Variants in MME observed in about 807,000 individuals in gnomAD.
The protein encoded by MME is membrane metalloendopeptidase.
Under a neutral mutation model 113.2 loss-of-function variants are expected in MME, and 98 were observed. The ratio of observed to expected loss-of-function variants is 0.87; its 90% CI spans 0.74 to 1.02. The LOEUF (loss-of-function observed/expected upper bound fraction) is 1.02, where lower values mean the gene tolerates loss of function less well. Among genes scored for constraint, MME ranks in the 50% least tolerant of loss-of-function variants. MME has a pLI of 0.00. For missense variants in MME, 836 were observed against 896.0 expected, an observed-to-expected ratio of 0.93 and a Z score of 0.86; for synonymous variants, 292 against 300.6, an observed-to-expected ratio of 0.97 and a Z score of 0.30.
At chr3:155,058,892 G>A (rs1714035826) in intron 1 of MME, among the ~76,000 whole-genome samples, 1 of 152,124 alleles carries the variant, frequency 6.6e-6, no homozygotes, top group Admixed American at 6.5e-5. Flanking sequence ...GGTTCCAAAT[G>A]ATTTCATAAC....
intron 20 of MME, among the ~76,000 whole-genome samples, chr3:155,169,087 AT>A (rs1711627769): frequency 6.6e-6 from 1 of 152,122 alleles, no homozygotes; most frequent in Non-Finnish European, 1.5e-5. Context: ...AGGAGGCAAC[AT>A]TTTTCTAAGA....
intron 1 of MME, among the ~76,000 whole-genome samples, chr3:155,041,275 A>T (rs778067557): frequency 2.6e-5 from 4 of 152,196 alleles, no homozygotes; most frequent in Admixed American, 6.6e-5. Context: ...CTACACAGCA[A>T]CTAAAGTCAT....
At chr3:155,030,545 CCTAT>C (rs762969352) in intron 1 of MME, among the ~76,000 whole-genome samples, 29 of 152,180 alleles carry the variant, frequency 1.9e-4, no homozygotes, top group African/African-American at 6.7e-4. Context: ...TGCCTGAAGT[CCTAT>C]CTTTTATAAA....
At chr3:155,042,919 T>C (rs555467842) in intron 1 of MME, among the ~76,000 whole-genome samples, 1,312 of 57,202 alleles carry the variant, frequency 0.023, 28 homozygotes, top group South Asian at 0.052. Context: ...TATATATATA[T>C]ATATATATAT....
At chr3:155,137,483 G>T (rs920528033) in intron 8 of MME, among the ~76,000 whole-genome samples, 6 of 152,122 alleles carry the variant, frequency 3.9e-5, no homozygotes, top group African/African-American at 1.2e-4. Context: ...AAGGCAGGCG[G>T]ATCACAATGT....
At chr3:155,049,315 A>C (rs1366708787) in intron 1 of MME, among the ~76,000 whole-genome samples, 2 of 152,140 alleles carry the variant, frequency 1.3e-5, no homozygotes, top group African/African-American at 2.4e-5. Context: ...GGAAAAGGTC[A>C]AACAGAAATA....
chr3:155,095,900 G>A (rs963631301), intron 3 of MME, among the ~76,000 whole-genome samples: 2 of 152,320 alleles, frequency 1.3e-5, no homozygotes, highest in African/African-American at 2.4e-5. Flanking sequence ...AAACCAGAGC[G>A]GGTCTGGGAG....
At chr3:155,119,685 G>C in intron 8 of MME, among the ~76,000 whole-genome samples, 1 of 150,918 alleles carries the variant, frequency 6.6e-6, no homozygotes, top group African/African-American at 2.4e-5. Context: ...TTTTGTTCTT[G>C]CGATAGTTTA....
At chr3:155,177,111 C>T (rs1428395372) in intron 22 of MME, among the ~76,000 whole-genome samples, 1 of 151,882 alleles carries the variant, frequency 6.6e-6, no homozygotes, top group Non-Finnish European at 1.5e-5. Flanking sequence ...AATATAAATC[C>T]TAAAAATACT....
chr3:155,156,039 A>G (rs1372454275), intron 16 of MME, among the ~76,000 whole-genome samples: 1 of 152,194 alleles, frequency 6.6e-6, no homozygotes, highest in Admixed American at 6.5e-5. Flanking sequence ...AGATTCAGGT[A>G]AGTCACCCAG....
chr3:155,160,182 T>C (rs544987244), intron 16 of MME, among the ~76,000 whole-genome samples: 1 of 152,180 alleles, frequency 6.6e-6, no homozygotes, highest in Non-Finnish European at 1.5e-5. Flanking sequence ...AATAAAAGAT[T>C]ACAGACTTGA....
At chr3:155,103,247 G>T (rs570736919) in intron 3 of MME, among the ~76,000 whole-genome samples, 1 of 152,288 alleles carries the variant, frequency 6.6e-6, no homozygotes, top group East Asian at 1.9e-4. Flanking sequence ...AATATTGATT[G>T]AATAAATATA....
intron 1 of MME, among the ~76,000 whole-genome samples, chr3:155,058,973 G>A (rs560169185): frequency 1.0e-3 from 157 of 152,188 alleles, no homozygotes; most frequent in Non-Finnish European, 1.7e-3. Context: ...TATGGAAAAA[G>A]AAGGATTGGC....
intron 1 of MME, chr3:155,024,359 C>T (rs1712702654): frequency 6.6e-6 from 1 of 152,198 alleles, no homozygotes; most frequent in Admixed American, 6.5e-5. Flanking sequence ...AAATTTATTA[C>T]TAACTGCTTA....
intron 1 of MME, among the ~76,000 whole-genome samples, chr3:155,045,974 A>G (rs962106817): frequency 5.3e-5 from 8 of 152,220 alleles, no homozygotes; most frequent in Non-Finnish European, 2.9e-5. Context: ...CTTTGAGTTC[A>G]TCCTATTTGG....
At chr3:155,154,752 G>A (rs1245128431) in intron 16 of MME, among the ~76,000 whole-genome samples, 3 of 152,116 alleles carry the variant, frequency 2.0e-5, no homozygotes, top group Admixed American at 6.5e-5. Context: ...AAATAATTAT[G>A]CAGAAATTAT....
intron 1 of MME, among the ~76,000 whole-genome samples, chr3:155,071,789 G>T (rs1228433500): frequency 1.3e-5 from 2 of 152,100 alleles, no homozygotes; most frequent in Non-Finnish European, 2.9e-5. Context: ...TGAAAAAGTC[G>T]CTAAGTCCTA....
rs199843704 is a variant in MME at position 155,118,735 on chromosome 3, A to G, written c.655-11A>G. The G allele has an allele frequency of 2.6e-6, 4 of 1,536,626 alleles. No individual in the cohort carries two copies. The Admixed American group carries it at 5.1e-5, about 20-fold the overall frequency. On this transcript the variant is annotated splice_polypyrimidine_tract_variant and intron_variant, in intron 7 of 22. Coordinates refer to ENST00000360490, the MANE Select transcript of MME (RefSeq NM_007289.4). ...GAATGATTTATTTTCTTTTATGTAT[A>G]TTTTTTATAGATTGACCAACCTCGA...
rs193288502 is a variant in MME, at chr3:155,181,777, C to T, written c.*1318C>T. On this transcript the variant is annotated 3_prime_UTR_variant, in exon 23 of 23. Coordinates refer to ENST00000360490, the MANE Select transcript of MME (RefSeq NM_007289.4). ...CTTTTCCTGTTGTATTGACTATTTTCGTTCATTACTTGATTAAGATTTTAC... is the reference window on the plus strand; with the variant it reads ...CTTTTCCTGTTGTATTGACTATTTTTGTTCATTACTTGATTAAGATTTTAC... The T allele has an allele frequency of 5.9e-5, 9 of 152,158 alleles. No homozygotes were observed. Among genetic ancestry groups the T allele is most frequent in the Non-Finnish European group, 8.8e-5 (6 of 67,988 alleles). The allele number at this position is 152,158 out of a possible 1,614,324, so 9.4% of individuals were successfully genotyped here.
Sources: gnomAD v4.1 joint callset for allele counts (sites outside exome capture counted in the v4.1 genomes callset) on GRCh38, gnomAD v4.1.1 for gene constraint, MANE v1.5 for transcripts, NCBI Gene and HGNC (gene_info 2026-07-23, HGNC 2026-07-21) for gene names.